TNR: variants seen among roughly 807,000 people sequenced by gnomAD.
TNR encodes tenascin R, also known as tenascin-R.
Under a neutral mutation model 150.4 loss-of-function variants are expected in TNR, and 45 were observed. The ratio of observed to expected loss-of-function variants is 0.30; its 90% CI spans 0.24 to 0.38. TNR has a LOEUF of 0.38. Among genes scored for constraint, TNR ranks in the 10% least tolerant of loss-of-function variants. The probability of loss-of-function intolerance (pLI) is 1.00; values close to 1 mark genes in which losing one functional copy is unlikely to be tolerated. For synonymous variants in TNR, 687 were observed against 678.4 expected (o/e 1.01, Z -0.20); for missense variants, 1,544 against 1,759.1 (o/e 0.88, Z 2.19).
chr1:175,363,579 T>C, intron 13 of TNR, 129 bp downstream of exon 13: 1 of 1,284,692 alleles, frequency 7.8e-7, no homozygotes, highest in Non-Finnish European at 1.1e-6. Context: ...CCCACTCTCA[T>C]TCTGATGCAG....
chr1:175,706,805 A>G (rs1025014153), intron 1 of TNR, among the ~76,000 whole-genome samples: 2 of 152,056 alleles, frequency 1.3e-5, no homozygotes, highest in Admixed American at 1.3e-4. Context: ...AGAGATAGTC[A>G]CCACCTCCTT....
At chr1:175,530,789 C>T (rs368505812) in intron 1 of TNR, among the ~76,000 whole-genome samples, 30 of 152,014 alleles carry the variant, frequency 2.0e-4, no homozygotes, top group Admixed American at 2.0e-3. Context: ...CACATTACCT[C>T]GGCCCCTGTG....
chr1:175,567,964 G>C (rs1661706662), intron 1 of TNR, among the ~76,000 whole-genome samples: 1 of 152,160 alleles, frequency 6.6e-6, no homozygotes, highest in Non-Finnish European at 1.5e-5. Flanking sequence ...CAATTTTCCT[G>C]TCATCCTTAT....
intron 2 of TNR, among the ~76,000 whole-genome samples, chr1:175,521,503 T>A (rs1027145859): frequency 6.6e-6 from 1 of 152,228 alleles, no homozygotes; most frequent in Non-Finnish European, 1.5e-5. Context: ...CAGAAATATT[T>A]TCGGCCTCTA....
intron 1 of TNR, among the ~76,000 whole-genome samples, chr1:175,673,690 T>A (rs1315799874): frequency 6.6e-6 from 1 of 152,214 alleles, no homozygotes; most frequent in Non-Finnish European, 1.5e-5. Context: ...ACACTTCCCC[T>A]CATCCAGACA....
At chr1:175,373,084 A>T (rs1487546904) in intron 9 of TNR, among the ~76,000 whole-genome samples, 1 of 152,160 alleles carries the variant, frequency 6.6e-6, no homozygotes, top group African/African-American at 2.4e-5. Context: ...CAGAAGCAGC[A>T]TGGTGCTGGT....
At chr1:175,394,985 G>A (rs1351860861) in intron 5 of TNR, among the ~76,000 whole-genome samples, 2 of 152,116 alleles carry the variant, frequency 1.3e-5, no homozygotes, top group Non-Finnish European at 2.9e-5. Context: ...TGGGAAAAGC[G>A]GCAGATGGTG....
At chr1:175,455,275 C>G (rs899266033) in intron 2 of TNR, among the ~76,000 whole-genome samples, 3 of 151,432 alleles carry the variant, frequency 2.0e-5, no homozygotes, top group African/African-American at 7.2e-5. Flanking sequence ...AATCTGTGGG[C>G]ATAATAGAAT....
intron 1 of TNR, among the ~76,000 whole-genome samples, chr1:175,591,730 C>A (rs1035717751): frequency 6.6e-6 from 1 of 152,198 alleles, no homozygotes; most frequent in Non-Finnish European, 1.5e-5. Flanking sequence ...AGTAACAGGG[C>A]TGTTGACAAA....
At chr1:175,561,040 C>T (rs1661406350) in intron 1 of TNR, among the ~76,000 whole-genome samples, 1 of 152,164 alleles carries the variant, frequency 6.6e-6, no homozygotes, top group African/African-American at 2.4e-5. Context: ...GAGCTTGTCC[C>T]TTCCTTGTTC....
rs1415855714 is a variant in TNR, at chr1:175,356,378, G to A, written c.3059C>T (p.Thr1020Ile). Reference protein sequence around the residue: ...DLLPSTHYTATMYATNGPLTS... With the variant: ...DLLPSTHYTAIMYATNGPLTS... ...GAGAGGTCCATTGGTGGCATACATGGTGGCAGTATAGTGGGTGCTAGGAAG... is the reference window on the plus strand; with the variant it reads ...GAGAGGTCCATTGGTGGCATACATGATGGCAGTATAGTGGGTGCTAGGAAG... The change falls in exon 16 of 23, where the codon ACC becomes ATC. Residue 1020 changes from threonine (T) to isoleucine (I), a missense_variant. Thr to Ile is a moderately conservative substitution (Grantham distance 89). Around this residue, in one of 2 missense-constraint regions of TNR, gnomAD observed 1,254 missense variants for 1,329.4 expected, o/e 0.94. Coordinates refer to ENST00000367674, the MANE Select transcript of TNR (RefSeq NM_003285.3). 26 of 1,614,058 alleles carry A rather than the reference G, an allele frequency of 1.6e-5. No homozygotes were observed. Among genetic ancestry groups the A allele is most frequent in the Non-Finnish European group, 2.0e-5 (24 of 1,179,956 alleles).
chr1:175,682,562 G>A (rs954516574), intron 1 of TNR, among the ~76,000 whole-genome samples: 2 of 152,260 alleles, frequency 1.3e-5, no homozygotes, highest in South Asian at 4.1e-4. Flanking sequence ...GCCCTTGTGG[G>A]ATGGAATGCT....
At chr1:175,375,840 G>C (rs78626899) in intron 9 of TNR, among the ~76,000 whole-genome samples, 2,055 of 152,290 alleles carry the variant, frequency 0.013, 37 homozygotes, top group African/African-American at 0.046. Flanking sequence ...AGTGCTTACT[G>C]TGTGCCAGGC....
rs1652575693 is a variant in TNR at position 175,379,565 on chromosome 1, C to G, written c.1950G>C (p.Arg650Ser). The part of the protein sequence containing the change: ...LVPRGIGPTT[R>S]ATLTDLVPGT... ...GGTCTTACTCACCTGTCAGGGTGGC[C>G]CTGGTGGTTGGACCAATGCCCCTGG... Residue 650 changes from arginine (R) to serine (S), a missense_variant, in exon 9 of 23, where the codon AGG becomes AGC. Arg to Ser is a moderately radical substitution (Grantham distance 110). This residue lies in a region of TNR where 1,254 missense variants were observed against 1,329.4 expected (regional missense o/e 0.94). Coordinates refer to ENST00000367674, the MANE Select transcript of TNR (RefSeq NM_003285.3). The G allele has an allele frequency of 6.2e-7, 1 of 1,613,278 alleles. No individual in the cohort carries two copies. The highest frequency in any genetic ancestry group is 1.3e-5 in the African/African-American group (1 of 74,976).
At chr1:175,429,677 T>C (rs1655173899) in intron 2 of TNR, among the ~76,000 whole-genome samples, 1 of 152,234 alleles carries the variant, frequency 6.6e-6, no homozygotes, top group Non-Finnish European at 1.5e-5. Flanking sequence ...TGTAAAGTGC[T>C]TCCCAAGGAT....
chr1:175,335,614 C>T (rs1650202824), intron 20 of TNR, 97 bp downstream of exon 20: 1 of 1,231,560 alleles, frequency 8.1e-7, no homozygotes, highest in Non-Finnish European at 1.2e-6. Context: ...TCTCAACAAA[C>T]ACAGGGTTTC....
chr1:175,391,580 G>C, intron 6 of TNR, 142 bp from the exon 7 acceptor site: 2 of 930,222 alleles, frequency 2.2e-6, no homozygotes, highest in South Asian at 3.5e-5. Flanking sequence ...CATGCTGACA[G>C]CTGAGTATCT....
intron 1 of TNR, among the ~76,000 whole-genome samples, chr1:175,567,882 T>TAA (rs201696815): frequency 6.6e-6 from 1 of 151,536 alleles, no homozygotes; most frequent in Non-Finnish European, 1.5e-5. Context: ...TAGTTTAACT[T>TAA]AAAAAAAAAT....
chr1:175,551,917 G>A (rs1030229308), intron 1 of TNR, among the ~76,000 whole-genome samples: 2 of 152,128 alleles, frequency 1.3e-5, no homozygotes, highest in African/African-American at 4.8e-5. Flanking sequence ...AGGGTTGTAA[G>A]GGTCTAAATC....
Sources: allele counts gnomAD v4.1 joint callset (sites outside exome capture counted in the v4.1 genomes callset), GRCh38; gene constraint gnomAD v4.1.1; regional missense constraint gnomAD v4.1.1; transcripts MANE v1.5; gene names NCBI Gene and HGNC (gene_info 2026-07-23, HGNC 2026-07-21).